ARMCX4: variants seen among roughly 807,000 people sequenced by gnomAD.
ARMCX4 encodes the protein armadillo repeat-containing X-linked protein 4.
In ARMCX4, 3 loss-of-function variants were observed where a neutral mutation model predicts 34.7. The ratio of observed to expected loss-of-function variants is 0.09; its 90% CI spans 0.04 to 0.22. The LOEUF (loss-of-function observed/expected upper bound fraction) is 0.22. ARMCX4 is among the 10% of genes least tolerant of loss of function. The pLI is 1.00. For synonymous variants in ARMCX4, 513 were observed against 632.8 expected (o/e 0.81, Z 2.84); for missense variants, 1,448 against 1,720.8 (o/e 0.84, Z 2.81).
intron 10 of ARMCX4, among the ~76,000 whole-genome samples, chrX:101,510,325 A>T (rs1934550567): frequency 9.0e-6 from 1 of 111,727 alleles, no homozygotes; most frequent in Admixed American, 9.5e-5. Flanking sequence ...ACAGCTGCAT[A>T]ATCTCCCTTT....
intron 2 of ARMCX4, chrX:101,443,951 C>A (rs1297298501): frequency 7.9e-6 from 3 of 378,685 alleles, no homozygotes; most frequent in Non-Finnish European, 1.5e-5. Context: ...GTTGGAATTG[C>A]CATCAACTAT....
downstream of ARMCX4, among the ~76,000 whole-genome samples, chrX:101,449,266 TTC>T (rs1250629791): frequency 1.8e-5 from 2 of 112,475 alleles, no homozygotes; most frequent in Non-Finnish European, 3.8e-5. Flanking sequence ...GTTTCAGAAG[TTC>T]TCTGTTATTA....
At chrX:101,435,465 G>A (rs1374592179) in intron 2 of ARMCX4, among the ~76,000 whole-genome samples, 10 of 111,361 alleles carry the variant, frequency 9.0e-5, no homozygotes, top group South Asian at 3.7e-4. Context: ...CATATCCTTC[G>A]CCCACTTTTT....
In ARMCX4 at chrX:101,491,298, T is replaced by A. The variant is rs782762339; in HGVS notation, c.2709T>A (p.Asp903Glu). The change falls in exon 6 of 6, where the codon GAT becomes GAA. Residue 903 changes from aspartate (D) to glutamate (E), a missense_variant. Asp to Glu is a conservative substitution (Grantham distance 45). Around this residue, in one of 2 missense-constraint regions of ARMCX4, gnomAD observed 1,343 missense variants for 1,540.7 expected, o/e 0.87. Transcript: ENST00000423738. ...TGTCTAAGGCAGGGGCCAGAGAAGA[T>A]ACAATGGGCTCTGCCCAGCCTCAGG... is the stretch of plus-strand genomic sequence containing the variant. ...NVVSKAGAREDTMGSAQPQVV... is the reference protein window; with the variant it reads ...NVVSKAGAREETMGSAQPQVV... The A allele has an allele frequency of 3.5e-6, 4 of 1,153,370 alleles. No individual in the cohort carries two copies. Among genetic ancestry groups the A allele is most frequent in the Non-Finnish European group, 4.6e-6 (4 of 872,136 alleles).
intron 11 of ARMCX4, among the ~76,000 whole-genome samples, chrX:101,514,882 G>C (rs1452369074): frequency 1.8e-5 from 2 of 111,635 alleles, no homozygotes; most frequent in Non-Finnish European, 3.8e-5. Context: ...GTTGAATTTA[G>C]GGGTTTAAAT....
At chrX:101,497,707 A>C (rs782249249), downstream of ARMCX4, among the ~76,000 whole-genome samples, 2 of 112,277 alleles carry the variant, frequency 1.8e-5, no homozygotes, top group African/African-American at 6.5e-5. Context: ...TTATGCCTAC[A>C]TATTTGGAAA....
chrX:101,526,342 A>G (rs1326482836), intron 11 of ARMCX4, among the ~76,000 whole-genome samples: 2 of 112,038 alleles, frequency 1.8e-5, no homozygotes, highest in African/African-American at 6.5e-5. Flanking sequence ...AGCACTAAAC[A>G]TGGAAAGGAA....
At chrX:101,503,700 G>C (rs1294954446) in intron 7 of ARMCX4, among the ~76,000 whole-genome samples, 2 of 111,466 alleles carry the variant, frequency 1.8e-5, no homozygotes, top group Non-Finnish European at 3.8e-5. Context: ...TTTGTCAGAT[G>C]AGTAGATTGC....
chrX:101,508,849 C>T (rs974310675), intron 8 of ARMCX4, among the ~76,000 whole-genome samples: 2 of 111,580 alleles, frequency 1.8e-5, no homozygotes, highest in Non-Finnish European at 3.8e-5. Context: ...CTTTTATACT[C>T]ACCCCTGCTT....
chrX:101,431,392 C>T (rs1929986185), intron 2 of ARMCX4, among the ~76,000 whole-genome samples: 1 of 112,125 alleles, frequency 8.9e-6, no homozygotes, highest in South Asian at 3.7e-4. Context: ...ACAGAGGTGG[C>T]TCTCAATACG....
At chrX:101,519,597 A>G (rs185551283) in intron 11 of ARMCX4, among the ~76,000 whole-genome samples, 48 of 111,716 alleles carry the variant, frequency 4.3e-4, no homozygotes, top group African/African-American at 1.5e-3. Flanking sequence ...ATTGTTTTCT[A>G]TCTTGACTAC....
At chrX:101,425,902 C>G (rs782593366) in intron 2 of ARMCX4, among the ~76,000 whole-genome samples, 8 of 110,886 alleles carry the variant, frequency 7.2e-5, no homozygotes, top group Non-Finnish European at 7.5e-5. Flanking sequence ...CTCACTGCAG[C>G]CTTGATTTCT....
intron 2 of ARMCX4, among the ~76,000 whole-genome samples, chrX:101,425,620 C>T (rs1418640990): frequency 2.7e-5 from 3 of 109,765 alleles, no homozygotes; most frequent in African/African-American, 1.0e-4. Context: ...GTCTTGAACT[C>T]CTTACCTCAG....
chrX:101,504,263 A>G (rs1556014539), intron 7 of ARMCX4, among the ~76,000 whole-genome samples: 2 of 111,293 alleles, frequency 1.8e-5, no homozygotes, highest in African/African-American at 6.5e-5. Context: ...TTGACTTGGC[A>G]ATGCGGGCTC....
downstream of ARMCX4, among the ~76,000 whole-genome samples, chrX:101,500,624 G>GATATCTTTGCTA (rs1556013346): frequency 8.9e-6 from 1 of 112,338 alleles, no homozygotes; most frequent in African/African-American, 3.2e-5. Flanking sequence ...TACCAGACAT[G>GATATCTTTGCTA]ATATCTTTGC....
chrX:101,474,981 A>AG (rs1933110482), intron 4 of ARMCX4, among the ~76,000 whole-genome samples: 2 of 95,514 alleles, frequency 2.1e-5, no homozygotes, highest in African/African-American at 8.5e-5. Flanking sequence ...AGGAGAAGGA[A>AG]GAAAAAAAAA....
chrX:101,468,866 T>C (rs145227536), intron 4 of ARMCX4, among the ~76,000 whole-genome samples: 10 of 111,191 alleles, frequency 9.0e-5, no homozygotes, highest in African/African-American at 3.3e-4. Flanking sequence ...TAGGCTTCAG[T>C]TGGGGAAGAA....
chrX:101,464,339 G>A (rs142319533), intron 4 of ARMCX4, among the ~76,000 whole-genome samples: 2 of 111,618 alleles, frequency 1.8e-5, no homozygotes, highest in East Asian at 5.7e-4. Flanking sequence ...TAGCGCCATT[G>A]CATTCCAGCT....
chrX:101,426,556 A>AG (rs1407127963), intron 2 of ARMCX4, among the ~76,000 whole-genome samples: 1 of 111,993 alleles, frequency 8.9e-6, no homozygotes, highest in Non-Finnish European at 1.9e-5. Flanking sequence ...GGTTGACCAG[A>AG]GAAAAATAGA....
Sources: allele counts gnomAD v4.1 joint callset (sites outside exome capture counted in the v4.1 genomes callset), GRCh38; gene constraint gnomAD v4.1.1; regional missense constraint gnomAD v4.1.1; transcripts MANE v1.5; gene names NCBI Gene and HGNC (gene_info 2026-07-23, HGNC 2026-07-21).